VSNL1: variants seen among roughly 807,000 people sequenced by gnomAD.
VSNL1 encodes the protein visinin like 1.
Under a neutral mutation model 20.4 loss-of-function variants are expected in VSNL1, and 6 were observed. That is an observed-to-expected ratio of 0.29 (90% CI 0.16 to 0.58). VSNL1 has a LOEUF of 0.58. Ranked by LOEUF, VSNL1 falls within the 20% of genes least tolerant of loss-of-function variation. VSNL1 has a pLI of 0.90. For synonymous variants in VSNL1, 93 were observed against 86.4 expected, an observed-to-expected ratio of 1.08 and a Z score of -0.42; for missense variants, 100 against 234.5, an observed-to-expected ratio of 0.43 and a Z score of 3.75.
In VSNL1 at chr2:17,656,687, C is replaced by G. The variant is rs1489589013; in HGVS notation, c.*1293C>G. 6.6e-6 allele frequency: 1 copy of G among 152,222 alleles called. No homozygotes were observed. Among genetic ancestry groups the G allele is most frequent in the Non-Finnish European group, 1.5e-5 (1 of 68,046 alleles). The allele number at this position is 152,222 out of a possible 1,614,324, so 9.4% of individuals were successfully genotyped here. ...TAAAAGCAGGTTTGCATTTTCAGAA[C>G]ATGCCCCCCTAGAGAGTTGAGTTTT... On this transcript the variant is annotated 3_prime_UTR_variant, in exon 4 of 4. Transcript: ENST00000295156.
intron 2 of VSNL1, among the ~76,000 whole-genome samples, chr2:17,621,218 T>C (rs1052284119): frequency 6.6e-6 from 1 of 151,688 alleles, no homozygotes; most frequent in Admixed American, 6.6e-5. Context: ...TTCCTTCCTT[T>C]CTCTCTCTCT....
intron 2 of VSNL1, among the ~76,000 whole-genome samples, chr2:17,623,472 A>C (rs1032941396): frequency 2.0e-5 from 3 of 152,044 alleles, no homozygotes; most frequent in Non-Finnish European, 4.4e-5. Context: ...GATCGAGACC[A>C]TCCTGGCTAA....
chr2:17,612,250 T>C (rs765682418), intron 2 of VSNL1, among the ~76,000 whole-genome samples: 7 of 152,084 alleles, frequency 4.6e-5, no homozygotes, highest in Non-Finnish European at 7.4e-5. Context: ...GAAGCAGAGG[T>C]GGCCCCAGAG....
intron 1 of VSNL1, among the ~76,000 whole-genome samples, chr2:17,582,223 G>A (rs1664365891): frequency 6.6e-6 from 1 of 152,128 alleles, no homozygotes; most frequent in African/African-American, 2.4e-5. Flanking sequence ...GTGCCAGGAG[G>A]GGTGAGGGGA....
intron 2 of VSNL1, among the ~76,000 whole-genome samples, chr2:17,645,704 C>G (rs1665977209): frequency 6.6e-6 from 1 of 152,192 alleles, no homozygotes; most frequent in Admixed American, 6.5e-5. Context: ...GTAGAAAAAG[C>G]TCCTGCCCTG....
chr2:17,646,402 A>G (rs1414582877), intron 2 of VSNL1, among the ~76,000 whole-genome samples: 1 of 152,228 alleles, frequency 6.6e-6, no homozygotes, highest in Admixed American at 6.5e-5. Context: ...ATAAATCTCA[A>G]GGTGTGGCAG....
intron 2 of VSNL1, among the ~76,000 whole-genome samples, chr2:17,645,672 T>C (rs1665976131): frequency 6.6e-6 from 1 of 152,052 alleles, no homozygotes; most frequent in Admixed American, 6.6e-5. Context: ...AAGAAAGAAA[T>C]GCAGAGTGGG....
chr2:17,569,085 A>AAC, intron 1 of VSNL1, among the ~76,000 whole-genome samples: 1 of 152,272 alleles, frequency 6.6e-6, no homozygotes, highest in South Asian at 2.1e-4. Flanking sequence ...AAATGGGCAG[A>AAC]TCACTGAGGT....
At chr2:17,562,536 T>G (rs1663840043) in intron 1 of VSNL1, among the ~76,000 whole-genome samples, 2 of 152,108 alleles carry the variant, frequency 1.3e-5, no homozygotes, top group African/African-American at 4.8e-5. Context: ...GACAGGGCAA[T>G]GAGATTATAT....
In VSNL1 at chr2:17,649,775, C is replaced by A; in HGVS notation, c.378+150C>A. The A allele has an allele frequency of 3.8e-6, 3 of 780,974 alleles. No individual in the cohort carries two copies. The highest frequency in any genetic ancestry group is 2.7e-5 in the East Asian group (1 of 37,294). The allele number at this position is 780,974 out of a possible 1,614,324, so 48.4% of individuals were successfully genotyped here. A position where few individuals can be genotyped will look rare whatever the true frequency, so the allele number is the denominator to read the frequency against. Reference sequence around the variant, plus strand: ...TGGACTTCTCCTGCTTCTGTCCCCGCTGCAGCACAGTGCTGGGGAGGTCCC... The same window carrying A: ...TGGACTTCTCCTGCTTCTGTCCCCGATGCAGCACAGTGCTGGGGAGGTCCC... On this transcript the variant is annotated intron_variant, in intron 3 of 3. Transcript: ENST00000295156. The surrounding 1 kb of genome is among the most constrained non-coding windows in gnomAD (Gnocchi z 6.4).
rs1433198579 is a variant in VSNL1, at chr2:17,649,646, G to A, written c.378+21G>A. Reference sequence around the variant, plus strand: ...TCGAGGTGAGGCCCGGGGTGTGGTTGGCGGGTGGTGGGCACAGAAGGAGAC... The same window carrying A: ...TCGAGGTGAGGCCCGGGGTGTGGTTAGCGGGTGGTGGGCACAGAAGGAGAC... On this transcript the variant is annotated intron_variant, in intron 3 of 3. Transcript: ENST00000295156. This position sits in a 1 kb window ranked among gnomAD's most constrained non-coding sequence, Gnocchi z 6.4. The A allele has an allele frequency of 1.2e-6, 2 of 1,612,890 alleles. No homozygotes were observed. Among genetic ancestry groups the A allele is most frequent in the Non-Finnish European group, 1.7e-6 (2 of 1,179,430 alleles).
Position 17,649,370 on chromosome 2 carries a change from TC to T in VSNL1, c.163-36del. On this transcript the variant is annotated intron_variant, in intron 2 of 3. Coordinates refer to ENST00000295156, the MANE Select transcript of VSNL1 (RefSeq NM_003385.5). This position sits in a 1 kb window ranked among gnomAD's most constrained non-coding sequence, Gnocchi z 6.4. ...AACCTACCTCGTCGCCCCGATTCCA[TC>T]CCCTCCCGACACCTGACTGCGCGTG... 6.2e-7 allele frequency: 1 copy of T among 1,602,170 alleles called. No individual in the cohort carries two copies. The highest frequency in any genetic ancestry group is 8.6e-7 in the Non-Finnish European group (1 of 1,169,312).
chr2:17,606,113 C>G (rs1231733598), intron 2 of VSNL1, among the ~76,000 whole-genome samples: 3 of 152,194 alleles, frequency 2.0e-5, no homozygotes, highest in Non-Finnish European at 4.4e-5. Context: ...TGAAACCCAG[C>G]AGTTGGACTC....
intron 1 of VSNL1, among the ~76,000 whole-genome samples, chr2:17,588,722 G>A (rs1664531564): frequency 6.6e-6 from 1 of 152,158 alleles, no homozygotes; most frequent in Non-Finnish European, 1.5e-5. Context: ...TAATGATGAA[G>A]ACAATCTCCA....
At chr2:17,633,230 GA>G (rs954144176) in intron 2 of VSNL1, among the ~76,000 whole-genome samples, 3 of 151,646 alleles carry the variant, frequency 2.0e-5, no homozygotes, top group African/African-American at 7.3e-5. Context: ...AACAGTGTGG[GA>G]ATGACCCTCC....
At chr2:17,610,049 A>G (rs1203272307) in intron 2 of VSNL1, among the ~76,000 whole-genome samples, 1 of 152,216 alleles carries the variant, frequency 6.6e-6, no homozygotes. Flanking sequence ...TGAATATCAC[A>G]TAATGAGCAG....
intron 2 of VSNL1, among the ~76,000 whole-genome samples, chr2:17,617,410 C>T (rs1665242559): frequency 6.6e-6 from 1 of 151,992 alleles, no homozygotes. Context: ...GCAGGAGAAT[C>T]CCTTGAACCT....
At chr2:17,633,348 C>CAAA (rs10706048) in intron 2 of VSNL1, among the ~76,000 whole-genome samples, 7 of 50,530 alleles carry the variant, frequency 1.4e-4, no homozygotes, top group South Asian at 1.4e-3. Context: ...ACTAAAAATA[C>CAAA]AAAAAAAAAA....
chr2:17,624,341 G>A (rs927269866), intron 2 of VSNL1, among the ~76,000 whole-genome samples: 1 of 152,194 alleles, frequency 6.6e-6, no homozygotes, highest in Non-Finnish European at 1.5e-5. Flanking sequence ...TGCATAAAAT[G>A]TGAAAAGGAA....
Sources: gnomAD v4.1 joint callset for allele counts (sites outside exome capture counted in the v4.1 genomes callset) on GRCh38, gnomAD v4.1.1 for gene constraint, Gnocchi (gnomAD v3.1) non-coding constraint, MANE v1.5 for transcripts, NCBI Gene and HGNC (gene_info 2026-07-23, HGNC 2026-07-21) for gene names.